Variants in PPP4R4 observed in about 807,000 individuals in gnomAD.
PPP4R4 encodes the protein protein phosphatase 4 regulatory subunit 4, also known as serine/threonine-protein phosphatase 4 regulatory subunit 4.
In PPP4R4, 70 loss-of-function variants were observed where a neutral mutation model predicts 121.8. The observed-to-expected ratio is 0.57, with a 90% CI of 0.47 to 0.70. PPP4R4 has a LOEUF of 0.70. PPP4R4 is among the 30% of genes least tolerant of loss of function. The pLI, the probability that PPP4R4 is intolerant of heterozygous loss-of-function variation, is 0.00. For synonymous variants in PPP4R4, 348 were observed against 355.7 expected, an observed-to-expected ratio of 0.98 and a Z score of 0.24; for missense variants, 875 against 1,033.6, an observed-to-expected ratio of 0.85 and a Z score of 2.10.
In PPP4R4 at chr14:94,274,971, T is replaced by C. The variant is rs187059921; in HGVS notation, c.2450-403T>C. 2.2e-4 allele frequency among the ~76,000 whole-genome samples: 33 copies of C among 152,314 alleles called. No individual in the cohort carries two copies. In the East Asian group the frequency reaches 6.4e-3, roughly 29 times the overall value. ...GTCAGAAATAGAAAGGAAGGAAGTA[T>C]TGATACATAAAACATGAATGATTTT... On this transcript the variant is annotated intron_variant, in intron 23 of 24. Transcript: ENST00000304338.
In PPP4R4 at chr14:94,241,903, A is replaced by C. The variant is rs774466727; in HGVS notation, c.1092A>C (p.Leu364=). 1 of 1,610,658 alleles carries C rather than the reference A, an allele frequency of 6.2e-7. No homozygotes were observed. The change falls in exon 10 of 25, where the codon CTA becomes CTC. Residue 364 remains leucine (L), a synonymous_variant. Coordinates refer to ENST00000304338, the MANE Select transcript of PPP4R4 (RefSeq NM_058237.2). ...AAAACCAGATTCCACCCCAAATCCT[A>C]GAGCAGGAGAAGAAATATATTTCAG... ...HNENQIPPQI[L]EQEKKYISVR... is the part of the protein sequence containing the mutation.
intron 2 of PPP4R4, among the ~76,000 whole-genome samples, chr14:94,181,243 T>A (rs377640486): frequency 4.9e-4 from 75 of 152,056 alleles, no homozygotes; most frequent in African/African-American, 1.8e-3. Context: ...TGTGTGTGTG[T>A]GAGAGAGAGA....
At position 94,279,106 on chromosome 14, in the gene PPP4R4, A is replaced by T. The variant is rs1219032123; in HGVS notation, c.*463A>T. 6.6e-6 allele frequency: 1 copy of T among 152,438 alleles called. No individual in the cohort carries two copies. Among genetic ancestry groups the T allele is most frequent in the Non-Finnish European group, 1.5e-5 (1 of 68,068 alleles). 9.4% of individuals were successfully genotyped at this position (152,438 alleles called of 1,614,324 possible). A position where few individuals can be genotyped will look rare whatever the true frequency, so the allele number is the denominator to read the frequency against. ...GGTGAGAAAGATACTGCATTTTCTCATGAGTCTCCAAGCCCACTTGAAAAG... is the reference window on the plus strand; with the variant it reads ...GGTGAGAAAGATACTGCATTTTCTCTTGAGTCTCCAAGCCCACTTGAAAAG... On this transcript the variant is annotated 3_prime_UTR_variant, in exon 25 of 25. Coordinates refer to ENST00000304338, the MANE Select transcript of PPP4R4 (RefSeq NM_058237.2).
At chr14:94,187,921 G>A (rs114912335) in intron 2 of PPP4R4, among the ~76,000 whole-genome samples, 1,689 of 152,214 alleles carry the variant, frequency 0.011, 34 homozygotes, top group African/African-American at 0.038. Context: ...TGCTATCACC[G>A]TGGATTTATC....
chr14:94,207,150 G>A lies in PPP4R4; in HGVS notation c.192-1314G>A, dbSNP rs151022383. ...CCCTTTAAAAATTAAGACAATAATC[G>A]CAGGTTCTAGGATTAAGATGTAGAC... On this transcript the variant is annotated intron_variant, in intron 2 of 24. Coordinates refer to ENST00000304338, the MANE Select transcript of PPP4R4 (RefSeq NM_058237.2). Among the ~76,000 whole-genome samples, 515 of 152,070 alleles carry A rather than the reference G, an allele frequency of 3.4e-3. 4 individuals are homozygous for A. The highest frequency in any genetic ancestry group is 0.012 in the African/African-American group (495 of 41,524).
intron 21 of PPP4R4, 58 bp from the exon 22 acceptor site, chr14:94,265,736 G>A (rs1894015380): frequency 7.9e-7 from 1 of 1,266,462 alleles, no homozygotes; most frequent in Non-Finnish European, 1.1e-6. Flanking sequence ...GGGAATGGGG[G>A]TTGGAGCAGC....
chr14:94,226,725 C>T (rs1287495330), intron 3 of PPP4R4, among the ~76,000 whole-genome samples: 1 of 151,994 alleles, frequency 6.6e-6, no homozygotes, highest in Non-Finnish European at 1.5e-5. Context: ...ATATAGAAGT[C>T]CCTATTATTT....
At chr14:94,197,961 G>T (rs927736228) in intron 2 of PPP4R4, among the ~76,000 whole-genome samples, 2 of 152,112 alleles carry the variant, frequency 1.3e-5, no homozygotes, top group East Asian at 3.8e-4. Flanking sequence ...TGAACATCTG[G>T]ATTGTTTTAT....
chr14:94,223,664 A>G (rs1286740751), intron 3 of PPP4R4, among the ~76,000 whole-genome samples: 1 of 152,200 alleles, frequency 6.6e-6, no homozygotes, highest in Admixed American at 6.5e-5. Flanking sequence ...GTTAGTTTCC[A>G]TAGGCCTGTA....
At position 94,230,712 on chromosome 14, in the gene PPP4R4, G is replaced by A. The variant is rs758338564; in HGVS notation, c.420G>A (p.Leu140=). The part of the protein sequence containing the change: ...YTHSFLQVIL[L]HLEHRDTGVS... ...ACTCATTCCTCCAAGTCATTCTCCT[G>A]CATCTGGAGCACAGGGACACAGGTC... Residue 140 remains leucine, a synonymous_variant, in exon 4 of 25, where the codon CTG becomes CTA. Coordinates refer to ENST00000304338, the MANE Select transcript of PPP4R4 (RefSeq NM_058237.2). The A allele has an allele frequency of 2.5e-6, 4 of 1,613,436 alleles. No individual in the cohort carries two copies. The highest frequency in any genetic ancestry group is 3.4e-6 in the Non-Finnish European group (4 of 1,179,524).
In PPP4R4 at chr14:94,174,443, G is replaced by A; in HGVS notation, c.-23G>A. 1 of 1,553,210 alleles carries A rather than the reference G, an allele frequency of 6.4e-7. No individual in the cohort carries two copies. Among genetic ancestry groups the A allele is most frequent in the Non-Finnish European group, 8.7e-7 (1 of 1,151,850 alleles). Reference sequence around the variant, plus strand: ...GCATCCCGGGGCCGCTCCGGCCCGGGCGGCGAGAGTGCCCGGCGGTCCATG... The same window carrying A: ...GCATCCCGGGGCCGCTCCGGCCCGGACGGCGAGAGTGCCCGGCGGTCCATG... On this transcript the variant is annotated 5_prime_UTR_variant, in exon 1 of 25. Transcript: ENST00000304338.
intron 2 of PPP4R4, among the ~76,000 whole-genome samples, chr14:94,188,216 C>G (rs1404415857): frequency 6.6e-6 from 1 of 151,584 alleles, no homozygotes; most frequent in African/African-American, 2.4e-5. Flanking sequence ...CTTATTTTGT[C>G]TTTTAGTATA....
At chr14:94,184,350 C>A (rs1595447902) in intron 2 of PPP4R4, among the ~76,000 whole-genome samples, 1 of 152,064 alleles carries the variant, frequency 6.6e-6, no homozygotes, top group Admixed American at 6.6e-5. Context: ...CCTTGAACTT[C>A]TGGGCTCAAG....
chr14:94,228,185 G>A (rs1197023613), intron 3 of PPP4R4, among the ~76,000 whole-genome samples: 1 of 152,140 alleles, frequency 6.6e-6, no homozygotes, highest in Non-Finnish European at 1.5e-5. Flanking sequence ...ATAGACATTT[G>A]CCACAGGAAA....
chr14:94,278,766 T>A lies in PPP4R4; in HGVS notation c.*123T>A. 1 of 915,086 alleles carries A rather than the reference T, an allele frequency of 1.1e-6. No individual in the cohort carries two copies. The highest frequency in any genetic ancestry group is 1.5e-6 in the Non-Finnish European group (1 of 651,272). The allele number at this position is 915,086 out of a possible 1,614,324, so 56.7% of individuals were successfully genotyped here. A position where few individuals can be genotyped will look rare whatever the true frequency, so the allele number is the denominator to read the frequency against. ...TTTGGGTTTTTTTTTTTGTTGTTGT[T>A]AATGAGCAGAAAGAGAGACATAATG... On this transcript the variant is annotated 3_prime_UTR_variant, in exon 25 of 25. Transcript: ENST00000304338.
At position 94,274,112 on chromosome 14, in the gene PPP4R4, G is replaced by A. The variant is rs116239571; in HGVS notation, c.2450-1262G>A. ...GAAAACAGGCAGTATCTGACTTTCC[G>A]TTCCTGTGAATCTCAAGTCTTATCA... On this transcript the variant is annotated intron_variant, in intron 23 of 24. Transcript: ENST00000304338. Among the ~76,000 whole-genome samples, 455 of 152,018 alleles carry A rather than the reference G, an allele frequency of 3.0e-3. 3 individuals carry two copies. Among genetic ancestry groups the A allele is most frequent in the African/African-American group, 0.01 (430 of 41,462 alleles).
At chr14:94,257,241 T>C (rs1188962665) in intron 17 of PPP4R4, among the ~76,000 whole-genome samples, 1 of 152,094 alleles carries the variant, frequency 6.6e-6, no homozygotes, top group Non-Finnish European at 1.5e-5. Context: ...CAGTAAAAAT[T>C]TGGGTTAGTG....
chr14:94,210,898 A>C (rs2139457206), intron 3 of PPP4R4, among the ~76,000 whole-genome samples: 1 of 152,292 alleles, frequency 6.6e-6, no homozygotes, highest in East Asian at 1.9e-4. Context: ...ATTATTTTAA[A>C]TTCATTGTAT....
chr14:94,204,819 A>G (rs1052396112), intron 2 of PPP4R4, among the ~76,000 whole-genome samples: 11 of 152,102 alleles, frequency 7.2e-5, no homozygotes, highest in African/African-American at 2.4e-4. Flanking sequence ...TATAAATTAT[A>G]TTGAATTTGT....
Sources: gnomAD v4.1 joint callset for allele counts (sites outside exome capture counted in the v4.1 genomes callset) on GRCh38, gnomAD v4.1.1 for gene constraint, MANE v1.5 for transcripts, NCBI Gene and HGNC (gene_info 2026-07-23, HGNC 2026-07-21) for gene names.